The following SGCD variants were observed in gnomAD, a reference collection of about 807,000 sequenced individuals.
The protein encoded by SGCD is delta-sarcoglycan.
SGCD carries 18 observed loss-of-function variants against 36.6 expected under a neutral mutation model. That is an observed-to-expected ratio of 0.49 (90% CI 0.34 to 0.73). The LOEUF (loss-of-function observed/expected upper bound fraction) is 0.73. Among genes scored for constraint, SGCD ranks in the 30% least tolerant of loss-of-function variants. The pLI, the probability that SGCD is intolerant of heterozygous loss-of-function variation, is 0.01. For synonymous variants in SGCD, 133 were observed against 130.6 expected (o/e 1.02, Z -0.12); for missense variants, 387 against 346.7 (o/e 1.12, Z -0.92).
intron 3 of SGCD, among the ~76,000 whole-genome samples, chr5:156,304,146 G>C (rs1329009283): frequency 6.6e-6 from 1 of 152,192 alleles, no homozygotes; most frequent in Non-Finnish European, 1.5e-5. Context: ...TCTGATTGCT[G>C]AGATGGGTAA....
chr5:156,239,464 A>T (rs929271866), intron 3 of SGCD, among the ~76,000 whole-genome samples: 10 of 151,936 alleles, frequency 6.6e-5, no homozygotes, highest in Non-Finnish European at 1.5e-4. Context: ...AGTGCAAAGT[A>T]GTGGAGGAAA....
intron 3 of SGCD, among the ~76,000 whole-genome samples, chr5:156,408,598 A>C (rs1040340077): frequency 3.3e-5 from 5 of 152,126 alleles, no homozygotes; most frequent in African/African-American, 1.2e-4. Flanking sequence ...ACCTCAGGTG[A>C]TCCACCTACC....
At chr5:155,803,089 C>G in the SGCD span, among the ~76,000 whole-genome samples, 1 of 152,230 alleles carries the variant, frequency 6.6e-6, no homozygotes, top group Non-Finnish European at 1.5e-5. Flanking sequence ...GTCCCTTTCT[C>G]TAGCTACTCT....
intron 1 of SGCD, among the ~76,000 whole-genome samples, chr5:155,898,723 G>A (rs1756322411): frequency 6.6e-6 from 1 of 152,136 alleles, no homozygotes; most frequent in Non-Finnish European, 1.5e-5. Flanking sequence ...ATCCCCTCAG[G>A]ATACAGCTTG....
chr5:156,756,108 T>C (rs1356137820), intron 7 of SGCD, among the ~76,000 whole-genome samples: 3 of 152,224 alleles, frequency 2.0e-5, no homozygotes, highest in African/African-American at 7.2e-5. Flanking sequence ...TTAAGGTGTC[T>C]GAAAGTTAGA....
chr5:156,150,132 A>G (rs1239163602), intron 3 of SGCD, among the ~76,000 whole-genome samples: 2 of 152,058 alleles, frequency 1.3e-5, no homozygotes, highest in African/African-American at 2.4e-5. Context: ...TCCTTTAGGA[A>G]AGTCTTCAGG....
At chr5:156,742,949 C>T (rs999041115) in intron 7 of SGCD, among the ~76,000 whole-genome samples, 1 of 152,164 alleles carries the variant, frequency 6.6e-6, no homozygotes, top group African/African-American at 2.4e-5. Flanking sequence ...CCCTCACAGA[C>T]ACACCTAGAA....
intron 1 of SGCD, among the ~76,000 whole-genome samples, chr5:155,937,458 T>C (rs549777259): frequency 6.6e-6 from 1 of 152,236 alleles, no homozygotes; most frequent in East Asian, 1.9e-4. Context: ...TTAAACTTAT[T>C]TACACTAAAA....
chr5:155,808,078 TG>T, the SGCD span, among the ~76,000 whole-genome samples: 1 of 152,240 alleles, frequency 6.6e-6, no homozygotes, highest in Non-Finnish European at 1.5e-5. Context: ...TGAAGTCCCC[TG>T]TAGGAGTTCT....
At chr5:156,002,674 T>C (rs1045866797) in intron 1 of SGCD, among the ~76,000 whole-genome samples, 34 of 152,214 alleles carry the variant, frequency 2.2e-4, no homozygotes, top group African/African-American at 8.2e-4. Flanking sequence ...TCTTAAAGTA[T>C]GTTAGGATCA....
chr5:156,741,046 G>C (rs1030904513), intron 7 of SGCD, among the ~76,000 whole-genome samples: 3 of 152,168 alleles, frequency 2.0e-5, no homozygotes, highest in Admixed American at 6.6e-5. Flanking sequence ...TCCTGGGAAA[G>C]ACCAGAGCTA....
intron 3 of SGCD, among the ~76,000 whole-genome samples, chr5:156,301,899 T>G (rs1232541040): frequency 1.3e-5 from 2 of 152,016 alleles, no homozygotes; most frequent in Admixed American, 6.6e-5. Context: ...GAAGCTCCTT[T>G]TTATGTTATT....
intron 4 of SGCD, among the ~76,000 whole-genome samples, chr5:156,551,880 T>C (rs1224563770): frequency 6.6e-6 from 1 of 152,210 alleles, no homozygotes; most frequent in Non-Finnish European, 1.5e-5. Flanking sequence ...AGTTTTCTCC[T>C]GTTCTTCTAA....
intron 6 of SGCD, among the ~76,000 whole-genome samples, chr5:156,621,951 G>A (rs1762268062): frequency 6.6e-6 from 1 of 152,084 alleles, no homozygotes; most frequent in Admixed American, 6.5e-5. Context: ...TGACAAATAG[G>A]CAAGTTCCCC....
chr5:156,318,678 C>T (rs907491142), intron 3 of SGCD, among the ~76,000 whole-genome samples: 1 of 151,678 alleles, frequency 6.6e-6, no homozygotes, highest in Admixed American at 6.6e-5. Context: ...TCACTGCAAC[C>T]TCTACCTCTC....
the SGCD span, among the ~76,000 whole-genome samples, chr5:155,785,178 T>C: frequency 2.3e-4 from 35 of 152,306 alleles, no homozygotes; most frequent in African/African-American, 8.4e-4. Context: ...AATTCATAAA[T>C]AAATCATGAT....
At chr5:156,565,997 G>A (rs2113265960) in intron 4 of SGCD, among the ~76,000 whole-genome samples, 1 of 152,230 alleles carries the variant, frequency 6.6e-6, no homozygotes, top group East Asian at 1.9e-4. Context: ...GAATACTGCT[G>A]CAATAAACAT....
At position 156,410,174 on chromosome 5, in the gene SGCD, A is replaced by G. The variant is rs190943872; in HGVS notation, c.192+65497A>G. Among the ~76,000 whole-genome samples the G allele has an allele frequency of 6.8e-4, 103 of 152,334 alleles. No homozygotes were observed. The Middle Eastern group carries it at 0.01, about 15-fold the overall frequency. ...TATCAGTGGATTGGATAAAGAAAAT[A>G]TGGTATATATACACCATGGAATACT... On this transcript the variant is annotated intron_variant, in intron 3 of 8. Transcript: ENST00000337851.
intron 3 of SGCD, among the ~76,000 whole-genome samples, chr5:156,421,064 A>G (rs1773282801): frequency 6.6e-6 from 1 of 152,196 alleles, no homozygotes; most frequent in South Asian, 2.1e-4. Context: ...CAGAGCCTGA[A>G]AATAAAAATA....
Sources: allele counts gnomAD v4.1 joint callset (sites outside exome capture counted in the v4.1 genomes callset), GRCh38; gene constraint gnomAD v4.1.1; transcripts MANE v1.5; gene names NCBI Gene and HGNC (gene_info 2026-07-23, HGNC 2026-07-21).